Variants in ATP6V0A1 observed in about 807,000 individuals in gnomAD.
The protein encoded by ATP6V0A1 is ATPase H+ transporting V0 subunit a1, also known as V-type proton ATPase 116 kDa subunit a 1.
A neutral mutation model predicts 105.4 loss-of-function variants in ATP6V0A1; 43 were observed. The ratio of observed to expected loss-of-function variants is 0.41; its 90% CI spans 0.32 to 0.53. The LOEUF (loss-of-function observed/expected upper bound fraction) is 0.53. ATP6V0A1 is among the 20% of genes least tolerant of loss of function. ATP6V0A1 has a pLI of 0.30. For missense variants in ATP6V0A1, 676 were observed against 1,051.1 expected (o/e 0.64, Z 4.93); for synonymous variants, 362 against 372.8 (o/e 0.97, Z 0.33).
At chr17:42,498,859 CAG>C in intron 14 of ATP6V0A1, 63 bp from the exon 15 acceptor site, 1 of 1,127,304 alleles carries the variant, frequency 8.9e-7, no homozygotes. Flanking sequence ...GTTTTTTAAA[CAG>C]AGGAATATTT....
chr17:42,490,621 C>T lies in ATP6V0A1; in HGVS notation c.1158C>T (p.Tyr386=), dbSNP rs2090530402. The change falls in exon 11 of 22, where the codon TAC becomes TAT. Residue 386 remains tyrosine (Y), a synonymous_variant. Transcript: ENST00000343619. ...NIVDAYGIGT[Y]REINPAPYTI... is the part of the protein sequence containing the mutation. ...TAGATGCTTATGGAATTGGAACTTA[C>T]CGAGAGATAAATCCAGGTAAAAAAA... 1.9e-6 allele frequency: 3 copies of T among 1,594,198 alleles called. No individual in the cohort carries two copies. The highest frequency in any genetic ancestry group is 2.6e-6 in the Non-Finnish European group (3 of 1,174,568).
intron 18 of ATP6V0A1, 64 bp from the exon 19 acceptor site, chr17:42,508,508 G>T: frequency 6.2e-7 from 1 of 1,601,354 alleles, no homozygotes; most frequent in South Asian, 1.1e-5. Context: ...GTAGCCTTGT[G>T]CTCCTAACTT....
At chr17:42,484,852 C>CTTTTT (rs10711845) in intron 9 of ATP6V0A1, among the ~76,000 whole-genome samples, 1 of 112,196 alleles carries the variant, frequency 8.9e-6, no homozygotes, top group African/African-American at 3.1e-5. Context: ...CTTTTCTTTT[C>CTTTTT]TTTTTTTTTT....
At chr17:42,465,025 C>T (rs1191497080) in intron 2 of ATP6V0A1, among the ~76,000 whole-genome samples, 2 of 151,300 alleles carry the variant, frequency 1.3e-5, no homozygotes, top group Non-Finnish European at 3.0e-5. Flanking sequence ...CAGAGTCTCG[C>T]TCTGTTGCCC....
In ATP6V0A1 at chr17:42,520,451, T is replaced by A. The variant is rs983185402; in HGVS notation, c.2421-576T>A. The A allele has an allele frequency of 1.1e-5, 5 of 456,622 alleles. No individual in the cohort carries two copies. In the Admixed American group the frequency reaches 1.2e-4, roughly 11 times the overall value. The allele number at this position is 456,622 out of a possible 1,614,324, so 28.3% of individuals were successfully genotyped here. On this transcript the variant is annotated intron_variant, in intron 21 of 21. Coordinates refer to ENST00000343619, the MANE Select transcript of ATP6V0A1 (RefSeq NM_001130021.3). ...TCTTTTTAGTCCCCAAGAGAAGAAT[T>A]CTTTCTCAGATGTTTTTGTGGTTGG...
intron 18 of ATP6V0A1, among the ~76,000 whole-genome samples, chr17:42,508,032 A>G (rs1448396756): frequency 1.3e-5 from 2 of 152,188 alleles, no homozygotes; most frequent in Non-Finnish European, 2.9e-5. Context: ...CTGACCAGCT[A>G]TAATCACTGG....
intron 9 of ATP6V0A1, among the ~76,000 whole-genome samples, chr17:42,486,738 A>T (rs1384682644): frequency 6.6e-6 from 1 of 152,060 alleles, no homozygotes; most frequent in African/African-American, 2.4e-5. Context: ...CCCTCTCCTG[A>T]TGCTGGCCCA....
At chr17:42,500,622 A>G in intron 15 of ATP6V0A1, 85 bp from the exon 16 acceptor site, 1 of 1,113,136 alleles carries the variant, frequency 9.0e-7, no homozygotes, top group Non-Finnish European at 1.3e-6. Flanking sequence ...GGTATTAAGT[A>G]GAAAAATCTA....
At chr17:42,464,780 T>G (rs570170730) in intron 2 of ATP6V0A1, among the ~76,000 whole-genome samples, 2 of 152,180 alleles carry the variant, frequency 1.3e-5, no homozygotes, top group Admixed American at 1.3e-4. Flanking sequence ...TAAATTGTGT[T>G]GTTCAGCTTT....
At chr17:42,492,579 G>T (rs141056158) in intron 11 of ATP6V0A1, among the ~76,000 whole-genome samples, 3,275 of 149,088 alleles carry the variant, frequency 0.022, 43 homozygotes, top group Middle Eastern at 0.033. Flanking sequence ...GGTGGCTCTT[G>T]CCTGTAATCT....
rs2092846653 is a variant in ATP6V0A1 at position 42,522,208 on chromosome 17, AC to A, written c.*1092del. The A allele has an allele frequency of 6.6e-6, 1 of 152,200 alleles. No individual in the cohort carries two copies. Among genetic ancestry groups the A allele is most frequent in the Non-Finnish European group, 1.5e-5 (1 of 68,036 alleles). 9.4% of individuals were successfully genotyped at this position (152,200 alleles called of 1,614,324 possible). A position where few individuals can be genotyped will look rare whatever the true frequency, so the allele number is the denominator to read the frequency against. On this transcript the variant is annotated 3_prime_UTR_variant, in exon 22 of 22. Coordinates refer to ENST00000343619, the MANE Select transcript of ATP6V0A1 (RefSeq NM_001130021.3). Reference sequence around the variant, plus strand: ...CCTGCCAAGGGGCTTCCTCCTTGTCACCCCGAACCTTGTAATCGTGTGCTGG... The same window carrying A: ...CCTGCCAAGGGGCTTCCTCCTTGTCACCCGAACCTTGTAATCGTGTGCTGG...
chr17:42,460,445 G>A (rs533345685), intron 1 of ATP6V0A1: 1 of 160,388 alleles, frequency 6.2e-6, no homozygotes, highest in Admixed American at 5.9e-5. Context: ...GGTATTGAAG[G>A]CCTCTTCTGT....
chr17:42,477,219 A>G (rs1443742079), intron 5 of ATP6V0A1, among the ~76,000 whole-genome samples: 1 of 152,206 alleles, frequency 6.6e-6, no homozygotes, highest in Non-Finnish European at 1.5e-5. Flanking sequence ...TTAAATGTTC[A>G]GAGTATCTGC....
intron 9 of ATP6V0A1, 32 bp downstream of exon 9, chr17:42,483,163 G>T: frequency 1.4e-6 from 2 of 1,419,682 alleles, no homozygotes; most frequent in Non-Finnish European, 1.9e-6. Context: ...ATTTGTTTTT[G>T]TGAAATACTG....
At position 42,468,108 on chromosome 17, in the gene ATP6V0A1, G is replaced by T. The variant is rs1334057036; in HGVS notation, c.294+1G>T. Reference sequence around the variant, plus strand: ...CCCCCGGGACATGATTGACTTAGAGGTAAACACTTCTGGGAAAACCAGAAA... The same window carrying T: ...CCCCCGGGACATGATTGACTTAGAGTTAAACACTTCTGGGAAAACCAGAAA... On this transcript the variant is annotated splice_donor_variant, in intron 4 of 21. Coordinates refer to ENST00000343619, the MANE Select transcript of ATP6V0A1 (RefSeq NM_001130021.3). LOFTEE classifies it high-confidence loss of function. 1.9e-6 allele frequency: 3 copies of T among 1,575,376 alleles called. No homozygotes were observed. Among genetic ancestry groups the T allele is most frequent in the Admixed American group, 1.8e-5 (1 of 55,766 alleles).
chr17:42,513,102 G>A (rs1469940114), intron 19 of ATP6V0A1, among the ~76,000 whole-genome samples: 1 of 152,184 alleles, frequency 6.6e-6, no homozygotes, highest in Non-Finnish European at 1.5e-5. Context: ...TCTTGGTATT[G>A]AAAGGAAAAC....
chr17:42,462,411 T>C (rs1249646300), intron 2 of ATP6V0A1, among the ~76,000 whole-genome samples: 2 of 151,968 alleles, frequency 1.3e-5, no homozygotes, highest in African/African-American at 4.8e-5. Flanking sequence ...GTGTGGTTTT[T>C]GTTGTTGTTG....
intron 20 of ATP6V0A1, 152 bp downstream of exon 20, chr17:42,514,130 C>T: frequency 1.6e-6 from 2 of 1,248,958 alleles, no homozygotes; most frequent in Non-Finnish European, 1.1e-6. Context: ...ACAGGAGGCT[C>T]AGCACTTGTG....
Position 42,495,817 on chromosome 17 carries a change from T to C in ATP6V0A1, c.1560+101T>C. ...GATAAATAGTTATGTGGGCTTTCAC[T>C]GGGCATGGTCGCTCATGCCTGTAAT... On this transcript the variant is annotated intron_variant, in intron 14 of 21. Coordinates refer to ENST00000343619, the MANE Select transcript of ATP6V0A1 (RefSeq NM_001130021.3). 5 of 1,071,710 alleles carry C rather than the reference T, an allele frequency of 4.7e-6. No homozygotes were observed. The South Asian group carries it at 6.9e-5, about 15-fold the overall frequency. 66.4% of individuals were successfully genotyped at this position (1,071,710 alleles called of 1,614,324 possible).
Sources: gnomAD v4.1 joint callset for allele counts (sites outside exome capture counted in the v4.1 genomes callset) on GRCh38, gnomAD v4.1.1 for gene constraint, MANE v1.5 for transcripts, NCBI Gene and HGNC (gene_info 2026-07-23, HGNC 2026-07-21) for gene names.